DLG2: variants seen among roughly 807,000 people sequenced by gnomAD.
DLG2 encodes the protein disks large homolog 2.
A neutral mutation model predicts 132.5 loss-of-function variants in DLG2; 45 were observed. That is an observed-to-expected ratio of 0.34 (90% CI 0.27 to 0.44). DLG2 has a LOEUF of 0.44. Ranked by LOEUF, DLG2 falls within the 20% of genes least tolerant of loss-of-function variation. The pLI is 1.00. For missense variants in DLG2, 1,045 were observed against 1,196.9 expected (o/e 0.87, Z 1.87); for synonymous variants, 424 against 419.6 (o/e 1.01, Z -0.13).
At chr11:84,568,781 A>C (rs995854385) in intron 6 of DLG2, among the ~76,000 whole-genome samples, 23 of 152,196 alleles carry the variant, frequency 1.5e-4, no homozygotes, top group African/African-American at 5.5e-4. Context: ...ATTTCTATGC[A>C]ATTCAAAGAA....
intron 3 of DLG2, among the ~76,000 whole-genome samples, chr11:85,418,102 G>T (rs2090012428): frequency 6.6e-6 from 1 of 152,066 alleles, no homozygotes; most frequent in Non-Finnish European, 1.5e-5. Flanking sequence ...CCTAAATACT[G>T]CTTTACCTGT....
chr11:84,945,862 C>G (rs1566474388), intron 6 of DLG2, among the ~76,000 whole-genome samples: 1 of 152,072 alleles, frequency 6.6e-6, no homozygotes, highest in African/African-American at 2.4e-5. Context: ...GATTTGGGAA[C>G]CTGAAGAAGC....
chr11:85,426,971 G>A lies in DLG2; in HGVS notation c.41-141606C>T, dbSNP rs984586572. 8.5e-5 allele frequency among the ~76,000 whole-genome samples: 13 copies of A among 152,170 alleles called. No individual in the cohort carries two copies. The South Asian group carries it at 1.0e-3, about 12-fold the overall frequency. The stretch of plus-strand genomic sequence containing the variant: ...CTGAAAACCAAGGCACGAGAAATAC[G>A]TGATGAATGCACAAGCCTCAGTAGC... On this transcript the variant is annotated intron_variant, in intron 3 of 27. Transcript: ENST00000376104.
intron 11 of DLG2, among the ~76,000 whole-genome samples, chr11:83,989,434 G>A (rs1372882079): frequency 6.6e-6 from 1 of 152,096 alleles, no homozygotes; most frequent in Non-Finnish European, 1.5e-5. Flanking sequence ...AGGTTGTTGG[G>A]AAAACATGAC....
intron 6 of DLG2, among the ~76,000 whole-genome samples, chr11:84,988,743 G>A (rs1335635149): frequency 6.6e-6 from 1 of 151,984 alleles, no homozygotes; most frequent in African/African-American, 2.4e-5. Flanking sequence ...AGGGAGTGAG[G>A]GATAAAAGAT....
At chr11:84,831,237 G>A (rs1383714326) in intron 6 of DLG2, among the ~76,000 whole-genome samples, 1 of 151,432 alleles carries the variant, frequency 6.6e-6, no homozygotes, top group Non-Finnish European at 1.5e-5. Flanking sequence ...TTTAAAAAGG[G>A]CAAGTGAGAG....
At chr11:84,130,143 C>A (rs550240197) in intron 9 of DLG2, among the ~76,000 whole-genome samples, 1 of 152,002 alleles carries the variant, frequency 6.6e-6, no homozygotes, top group South Asian at 2.1e-4. Context: ...CCCAGATAGG[C>A]CTACCATAAT....
At chr11:84,160,206 G>A (rs2154259851) in intron 9 of DLG2, among the ~76,000 whole-genome samples, 1 of 152,274 alleles carries the variant, frequency 6.6e-6, no homozygotes, top group East Asian at 1.9e-4. Flanking sequence ...AGAAAAGATG[G>A]AGAAGAGGTC....
chr11:84,226,010 C>A (rs2096987349), intron 8 of DLG2, among the ~76,000 whole-genome samples: 3 of 152,160 alleles, frequency 2.0e-5, no homozygotes, highest in African/African-American at 7.2e-5. Flanking sequence ...GGAGTTTCCC[C>A]ATGTTGGCCA....
intron 6 of DLG2, among the ~76,000 whole-genome samples, chr11:84,825,676 C>A (rs1379840724): frequency 6.6e-6 from 1 of 151,778 alleles, no homozygotes. Flanking sequence ...GCAGGTGATT[C>A]CAGCAACTCC....
intron 6 of DLG2, among the ~76,000 whole-genome samples, chr11:84,622,740 G>A (rs2099616104): frequency 6.6e-6 from 1 of 152,102 alleles, no homozygotes; most frequent in Admixed American, 6.5e-5. Flanking sequence ...GTCAAAGAAT[G>A]AGGAAAAATT....
intron 8 of DLG2, among the ~76,000 whole-genome samples, chr11:84,164,999 CA>C (rs1210424913): frequency 9.2e-5 from 14 of 152,272 alleles, no homozygotes; most frequent in African/African-American, 3.4e-4. Flanking sequence ...GTAAAACACA[CA>C]GACACACACA....
intron 6 of DLG2, among the ~76,000 whole-genome samples, chr11:84,951,167 TAC>T (rs1164987089): frequency 1.3e-5 from 2 of 152,202 alleles, no homozygotes; most frequent in African/African-American, 4.8e-5. Flanking sequence ...TGCTTCTAGT[TAC>T]ACTGCAAGTA....
chr11:85,089,126 T>C (rs1470649016), intron 6 of DLG2, among the ~76,000 whole-genome samples: 1 of 152,190 alleles, frequency 6.6e-6, no homozygotes, highest in Non-Finnish European at 1.5e-5. Flanking sequence ...ACTTCTAATT[T>C]TTTTTTTCAA....
At chr11:83,605,007 C>CAG (rs71066055) in intron 19 of DLG2, among the ~76,000 whole-genome samples, 11,394 of 129,832 alleles carry the variant, frequency 0.088, 713 homozygotes, top group African/African-American at 0.15. Context: ...TTTTCAAAGA[C>CAG]AGAGAGAGAG....
chr11:84,779,404 T>C (rs2153904904), intron 6 of DLG2, among the ~76,000 whole-genome samples: 1 of 152,332 alleles, frequency 6.6e-6, no homozygotes, highest in Non-Finnish European at 1.5e-5. Context: ...TTTTTATACA[T>C]TGATTTTATA....
At chr11:84,414,775 G>A (rs973035309) in intron 7 of DLG2, among the ~76,000 whole-genome samples, 15 of 152,096 alleles carry the variant, frequency 9.9e-5, no homozygotes, top group Admixed American at 5.9e-4. Context: ...CCACTTCCAG[G>A]TTTTAATGCC....
At chr11:85,134,312 G>A (rs757561617) in intron 5 of DLG2, among the ~76,000 whole-genome samples, 2 of 148,734 alleles carry the variant, frequency 1.3e-5, no homozygotes, top group South Asian at 2.1e-4. Context: ...GGCGGATCAC[G>A]AGGTCAGGAG....
At chr11:83,856,853 G>C (rs1270053928) in intron 16 of DLG2, among the ~76,000 whole-genome samples, 1 of 152,056 alleles carries the variant, frequency 6.6e-6, no homozygotes, top group Non-Finnish European at 1.5e-5. Flanking sequence ...GCCAGTTTTT[G>C]CTTTGGTGTA....
Sources: allele counts gnomAD v4.1 joint callset (sites outside exome capture counted in the v4.1 genomes callset), GRCh38; gene constraint gnomAD v4.1.1; transcripts MANE v1.5; gene names NCBI Gene and HGNC (gene_info 2026-07-23, HGNC 2026-07-21).